PDE1C: variants seen among roughly 807,000 people sequenced by gnomAD.
PDE1C encodes dual specificity calcium/calmodulin-dependent 3',5'-cyclic nucleotide phosphodiesterase 1C.
PDE1C carries 62 observed loss-of-function variants against 93.1 expected under a neutral mutation model. The ratio of observed to expected loss-of-function variants is 0.67; its 90% confidence interval spans 0.54 to 0.82. PDE1C has a LOEUF of 0.82. Among genes scored for constraint, PDE1C ranks in the 40% least tolerant of loss-of-function variants. PDE1C has a pLI of 0.00. For missense variants in PDE1C, 742 were observed against 884.6 expected (o/e 0.84, Z 2.04); for synonymous variants, 325 against 310.1 (o/e 1.05, Z -0.50).
the PDE1C span, among the ~76,000 whole-genome samples, chr7:31,662,281 A>C: frequency 3.9e-5 from 6 of 152,246 alleles, no homozygotes; most frequent in Admixed American, 3.9e-4. Flanking sequence ...AGTAAAGATT[A>C]TTCTAAAGTG....
intron 2 of PDE1C, among the ~76,000 whole-genome samples, chr7:32,021,802 C>A (rs1788710401): frequency 6.6e-6 from 1 of 151,974 alleles, no homozygotes; most frequent in Non-Finnish European, 1.5e-5. Flanking sequence ...TTCACAGAAT[C>A]CTGGATCTGA....
At chr7:32,243,674 G>A (rs1808703754) in intron 1 of PDE1C, among the ~76,000 whole-genome samples, 1 of 152,194 alleles carries the variant, frequency 6.6e-6, no homozygotes, top group Non-Finnish European at 1.5e-5. Context: ...AGGTCAGGCA[G>A]GCCTGGATTT....
chr7:32,322,475 A>C (rs1437311021), intron 1 of PDE1C, among the ~76,000 whole-genome samples: 2 of 152,110 alleles, frequency 1.3e-5, no homozygotes, highest in East Asian at 3.9e-4. Flanking sequence ...CTGGTGGTGC[A>C]TACCTGTAGT....
chr7:32,414,206 C>A (rs1785227565), intron 1 of PDE1C, among the ~76,000 whole-genome samples: 1 of 141,280 alleles, frequency 7.1e-6, no homozygotes. Context: ...AAGCAAGACC[C>A]AGTCTCAAAA....
chr7:31,647,650 A>G, the PDE1C span, among the ~76,000 whole-genome samples: 1 of 134,906 alleles, frequency 7.4e-6, no homozygotes, highest in African/African-American at 2.8e-5. Context: ...CTCCAGCCTG[A>G]GCAACAGAGA....
At chr7:31,953,393 A>G (rs901627815) in intron 2 of PDE1C, among the ~76,000 whole-genome samples, 1 of 152,184 alleles carries the variant, frequency 6.6e-6, no homozygotes, top group Admixed American at 6.5e-5. Context: ...CTCAAAGTAA[A>G]TACAAAATAT....
At chr7:32,147,420 T>C (rs552681517) in intron 3 of PDE1C, among the ~76,000 whole-genome samples, 1 of 152,296 alleles carries the variant, frequency 6.6e-6, no homozygotes. Context: ...GGAAGACTTC[T>C]TAAATTTTTC....
the PDE1C span, among the ~76,000 whole-genome samples, chr7:31,632,811 G>T: frequency 1.3e-5 from 2 of 152,240 alleles, no homozygotes; most frequent in African/African-American, 4.8e-5. Flanking sequence ...GACACAAACA[G>T]CCTGAAAAGC....
At chr7:31,643,512 C>T in the PDE1C span, 2 of 1,614,028 alleles carry the variant, frequency 1.2e-6, no homozygotes, top group Non-Finnish European at 1.7e-6. Flanking sequence ...AGATGTCCTC[C>T]AGCCTGGTGT....
At chr7:32,393,048 CAA>C (rs35905868) in intron 1 of PDE1C, among the ~76,000 whole-genome samples, 3,353 of 47,954 alleles carry the variant, frequency 0.07, 39 homozygotes, top group South Asian at 0.24. Flanking sequence ...GACTCTGTCT[CAA>C]AAAAAAAAAA....
intron 4 of PDE1C, 89 bp downstream of exon 4, chr7:31,878,907 A>G (rs1010616357): frequency 2.1e-5 from 27 of 1,310,784 alleles, no homozygotes; most frequent in Non-Finnish European, 2.9e-5. Flanking sequence ...TAAAGATAGG[A>G]AAACTACATT....
In PDE1C at chr7:32,388,678, T is replaced by TAAAAA. The variant is rs5883343; in HGVS notation, c.310+39139_310+39143dup. On this transcript the variant is annotated intron_variant, in intron 1 of 1. Transcript: ENST00000672256. ...TGTGAGAAAGAATGGGTCCCATTTCTAAAAAAAAAAAAAAAAAAAAAAAAA... is the reference window on the plus strand; with the variant it reads ...TGTGAGAAAGAATGGGTCCCATTTCTAAAAAAAAAAAAAAAAAAAAAAAAAAAAAA... Among the ~76,000 whole-genome samples the TAAAAA allele has an allele frequency of 2.9e-4, 24 of 81,574 alleles. 2 individuals are homozygous for TAAAAA. The highest frequency in any genetic ancestry group is 5.9e-4 in the South Asian group (1 of 1,688). The allele number at this position is 81,574 out of a possible 152,430, so 53.5% of individuals were successfully genotyped here. A position where few individuals can be genotyped will look rare whatever the true frequency, so the allele number is the denominator to read the frequency against.
chr7:32,067,665 C>T (rs1296933395), intron 1 of PDE1C, among the ~76,000 whole-genome samples: 2 of 152,224 alleles, frequency 1.3e-5, no homozygotes, highest in Admixed American at 6.5e-5. Flanking sequence ...CTCTGCCACA[C>T]ATCTTGCCCA....
intron 3 of PDE1C, among the ~76,000 whole-genome samples, chr7:32,125,392 C>T (rs1029765988): frequency 4.6e-5 from 7 of 152,102 alleles, no homozygotes; most frequent in Non-Finnish European, 7.4e-5. Context: ...GAATATAAAT[C>T]GTTCTACTAT....
At chr7:31,934,895 C>A (rs996891852) in intron 2 of PDE1C, among the ~76,000 whole-genome samples, 5 of 152,140 alleles carry the variant, frequency 3.3e-5, no homozygotes, top group Admixed American at 1.3e-4. Context: ...ACACTGAATT[C>A]TCTTTCCAAT....
At chr7:32,270,747 C>T (rs921717102) in intron 1 of PDE1C, among the ~76,000 whole-genome samples, 17 of 152,064 alleles carry the variant, frequency 1.1e-4, no homozygotes, top group Admixed American at 1.3e-4. Flanking sequence ...CTCTGGAGCA[C>T]GTGGGATCCA....
At chr7:32,103,373 A>C (rs1798131357) in intron 3 of PDE1C, among the ~76,000 whole-genome samples, 1 of 152,054 alleles carries the variant, frequency 6.6e-6, no homozygotes. Context: ...TTCAGTGGAA[A>C]GTAGGGGTGA....
At chr7:32,082,476 T>A (rs541571151) in intron 3 of PDE1C, among the ~76,000 whole-genome samples, 7 of 152,328 alleles carry the variant, frequency 4.6e-5, no homozygotes, top group African/African-American at 1.7e-4. Context: ...TCTGCAGACT[T>A]AAATGTCCCT....
At chr7:32,298,284 CCTCT>C (rs1329767454) in intron 1 of PDE1C, among the ~76,000 whole-genome samples, 8 of 152,016 alleles carry the variant, frequency 5.3e-5, no homozygotes, top group Non-Finnish European at 1.5e-5. Context: ...TTTCTGTCTC[CCTCT>C]CTCGGCACTA....
Sources: allele counts gnomAD v4.1 joint callset (sites outside exome capture counted in the v4.1 genomes callset), GRCh38; gene constraint gnomAD v4.1.1; transcripts MANE v1.5; gene names NCBI Gene and HGNC (gene_info 2026-07-23, HGNC 2026-07-21).